The following TCF4 variants were observed in gnomAD, a reference collection of about 807,000 sequenced individuals.
TCF4 encodes transcription factor 4.
A neutral mutation model predicts 82.1 loss-of-function variants in TCF4; 3 were observed. That is an observed-to-expected ratio of 0.04 (90% CI 0.02 to 0.09). The LOEUF is 0.09. Among genes scored for constraint, TCF4 ranks in the 10% least tolerant of loss-of-function variants. The probability of loss-of-function intolerance (pLI) is 1.00; values close to 1 mark genes in which losing one functional copy is unlikely to be tolerated. For synonymous variants in TCF4, 276 were observed against 309.6 expected, an observed-to-expected ratio of 0.89 and a Z score of 1.14; for missense variants, 518 against 852.7, an observed-to-expected ratio of 0.61 and a Z score of 4.89.
intron 8 of TCF4, chr18:55,302,562 G>T: frequency 6.5e-7 from 1 of 1,535,104 alleles, no homozygotes; most frequent in South Asian, 1.2e-5. Flanking sequence ...GGAGCAAGCA[G>T]GACCACAGCC....
chr18:55,422,665 G>A (rs1449998150), intron 5 of TCF4, among the ~76,000 whole-genome samples: 2 of 151,940 alleles, frequency 1.3e-5, no homozygotes, highest in Non-Finnish European at 2.9e-5. Context: ...CAGAGCCGCC[G>A]ATTTTCCATA....
In TCF4 at chr18:55,227,769, G is replaced by T. The variant is rs1171200199; in HGVS notation, c.*266C>A. ...CAGTCTCTGGGCTGTGTCTCAGCCT[G>T]TACATACTGCTTTGCACATTCTGAA... On this transcript the variant is annotated 3_prime_UTR_variant, in exon 20 of 20. Transcript: ENST00000354452. 2 of 200,064 alleles carry T rather than the reference G, an allele frequency of 1.0e-5. No homozygotes were observed. Among genetic ancestry groups the T allele is most frequent in the Non-Finnish European group, 2.1e-5 (2 of 97,460 alleles). 12.4% of individuals were successfully genotyped at this position (200,064 alleles called of 1,614,324 possible). A position where few individuals can be genotyped will look rare whatever the true frequency, so the allele number is the denominator to read the frequency against.
At chr18:55,505,223 T>A (rs2096740768) in intron 3 of TCF4, among the ~76,000 whole-genome samples, 1 of 152,184 alleles carries the variant, frequency 6.6e-6, no homozygotes, top group African/African-American at 2.4e-5. Flanking sequence ...GTTCAATGAT[T>A]TATGGCGCTA....
chr18:55,348,341 T>C (rs184180558), intron 8 of TCF4, among the ~76,000 whole-genome samples: 1 of 152,200 alleles, frequency 6.6e-6, no homozygotes, highest in East Asian at 1.9e-4. Context: ...TTCCTCCTTA[T>C]ATTTCAGAAA....
intron 2 of TCF4, among the ~76,000 whole-genome samples, chr18:55,622,285 G>A (rs2097722067): frequency 6.6e-6 from 1 of 150,842 alleles, no homozygotes; most frequent in East Asian, 1.9e-4. Flanking sequence ...AAGGTGGGCA[G>A]ATCACGAGGT....
At chr18:55,303,441 G>T (rs1427686694) in intron 8 of TCF4, among the ~76,000 whole-genome samples, 1 of 152,130 alleles carries the variant, frequency 6.6e-6, no homozygotes, top group Non-Finnish European at 1.5e-5. Context: ...ATAGAATCAT[G>T]ACTGCAACTC....
intron 15 of TCF4, among the ~76,000 whole-genome samples, chr18:55,252,352 T>C (rs978801426): frequency 7.4e-6 from 1 of 134,256 alleles, no homozygotes; most frequent in Admixed American, 7.3e-5. Flanking sequence ...GGCGGCTTTA[T>C]TGCTTTTGTG....
chr18:55,605,026 GA>G (rs1292176184), intron 2 of TCF4, among the ~76,000 whole-genome samples: 1 of 152,166 alleles, frequency 6.6e-6, no homozygotes, highest in African/African-American at 2.4e-5. Context: ...AGGACAGCTG[GA>G]ACACCTCACT....
At chr18:55,494,780 T>A (rs1398388789) in intron 3 of TCF4, among the ~76,000 whole-genome samples, 1 of 152,050 alleles carries the variant, frequency 6.6e-6, no homozygotes, top group Non-Finnish European at 1.5e-5. Flanking sequence ...CCACATTCAA[T>A]CATGAACATT....
At chr18:55,279,714 T>A in intron 8 of TCF4, 58 bp from the exon 9 acceptor site, 2 of 1,609,554 alleles carry the variant, frequency 1.2e-6, no homozygotes, top group Non-Finnish European at 1.7e-6. Context: ...CAGCCCAAGC[T>A]CCATTCTTAT....
At chr18:55,484,641 G>C (rs1004563499) in intron 3 of TCF4, among the ~76,000 whole-genome samples, 2 of 152,204 alleles carry the variant, frequency 1.3e-5, no homozygotes, top group African/African-American at 4.8e-5. Context: ...TGTGTGGACA[G>C]AACATCTATT....
At chr18:55,454,267 G>A (rs1431223647) in intron 5 of TCF4, among the ~76,000 whole-genome samples, 2 of 152,004 alleles carry the variant, frequency 1.3e-5, no homozygotes, top group African/African-American at 2.4e-5. Context: ...TTCCTATCTT[G>A]GCAGAATATT....
intron 5 of TCF4, among the ~76,000 whole-genome samples, chr18:55,414,633 G>A (rs1451459882): frequency 6.6e-6 from 1 of 152,096 alleles, no homozygotes; most frequent in Non-Finnish European, 1.5e-5. Flanking sequence ...TCATTACACA[G>A]AGCCCTGGCC....
intron 5 of TCF4, chr18:55,422,523 C>G (rs1244630957): frequency 1.1e-6 from 1 of 916,236 alleles, no homozygotes; most frequent in East Asian, 1.2e-4. Context: ...AGTTCTTAGG[C>G]TAACACTCAT....
intron 3 of TCF4, among the ~76,000 whole-genome samples, chr18:55,533,391 A>G (rs888913711): frequency 2.0e-5 from 3 of 152,082 alleles, no homozygotes; most frequent in Admixed American, 6.6e-5. Context: ...GACCACGGGG[A>G]CCCATAAAGC....
chr18:55,227,769 G>C lies in TCF4; in HGVS notation c.*266C>G, dbSNP rs1171200199. 11 of 200,062 alleles carry C rather than the reference G, an allele frequency of 5.5e-5. No individual in the cohort carries two copies. The South Asian group carries it at 9.4e-4, about 17-fold the overall frequency. 12.4% of individuals were successfully genotyped at this position (200,062 alleles called of 1,614,324 possible). ...CAGTCTCTGGGCTGTGTCTCAGCCT[G>C]TACATACTGCTTTGCACATTCTGAA... On this transcript the variant is annotated 3_prime_UTR_variant, in exon 20 of 20. Coordinates refer to ENST00000354452, the MANE Select transcript of TCF4 (RefSeq NM_001083962.2).
At chr18:55,521,343 G>A (rs1309023175) in intron 3 of TCF4, among the ~76,000 whole-genome samples, 1 of 152,076 alleles carries the variant, frequency 6.6e-6, no homozygotes, top group East Asian at 1.9e-4. Flanking sequence ...TTATCTTCTA[G>A]CTTCTAATAA....
chr18:55,528,501 T>C (rs946841381), intron 3 of TCF4, among the ~76,000 whole-genome samples: 1 of 152,236 alleles, frequency 6.6e-6, no homozygotes, highest in Non-Finnish European at 1.5e-5. Flanking sequence ...GTTACATTAT[T>C]AGTGATTTCT....
intron 3 of TCF4, among the ~76,000 whole-genome samples, chr18:55,495,120 T>C (rs578255144): frequency 2.6e-5 from 4 of 152,226 alleles, no homozygotes; most frequent in Admixed American, 2.0e-4. Flanking sequence ...TTTTAACCAA[T>C]TCACAACCTG....
Sources: gnomAD v4.1 joint callset for allele counts (sites outside exome capture counted in the v4.1 genomes callset) on GRCh38, gnomAD v4.1.1 for gene constraint, MANE v1.5 for transcripts, NCBI Gene and HGNC (gene_info 2026-07-23, HGNC 2026-07-21) for gene names.